The following EXOC4 variants were observed in gnomAD, a reference collection of about 807,000 sequenced individuals.
EXOC4 encodes SEC8-like 1.
In EXOC4, 71 loss-of-function variants were observed where a neutral mutation model predicts 107.2. The ratio of observed to expected loss-of-function variants is 0.66; its 90% CI spans 0.55 to 0.81. EXOC4 has a LOEUF of 0.81. Among genes scored for constraint, EXOC4 ranks in the 30% least tolerant of loss-of-function variants. The pLI, the probability that EXOC4 is intolerant of heterozygous loss-of-function variation, is 0.00. For missense variants in EXOC4, 1,108 were observed against 1,189.6 expected (o/e 0.93, Z 1.01); for synonymous variants, 456 against 441.2 (o/e 1.03, Z -0.42).
chr7:133,415,697 G>A (rs1007502114), intron 7 of EXOC4, among the ~76,000 whole-genome samples: 4 of 152,054 alleles, frequency 2.6e-5, no homozygotes, highest in Admixed American at 6.6e-5. Context: ...ATAACAAAGG[G>A]CATTAAGCAA....
At chr7:133,964,440 T>C (rs534807290) in intron 14 of EXOC4, among the ~76,000 whole-genome samples, 3 of 152,208 alleles carry the variant, frequency 2.0e-5, no homozygotes, top group Non-Finnish European at 4.4e-5. Context: ...CAACCGGTCA[T>C]CTACATTAGG....
intron 7 of EXOC4, among the ~76,000 whole-genome samples, chr7:133,418,494 T>C (rs1368550927): frequency 6.6e-6 from 1 of 152,164 alleles, no homozygotes; most frequent in African/African-American, 2.4e-5. Flanking sequence ...CTAAGAAGAA[T>C]GTCTGAAATG....
intron 17 of EXOC4, among the ~76,000 whole-genome samples, chr7:134,025,975 C>T (rs2116449363): frequency 1.3e-5 from 2 of 152,298 alleles, no homozygotes; most frequent in South Asian, 4.1e-4. Flanking sequence ...ACTTAAACTT[C>T]AGCCTCCAGT....
rs141623998 is a variant in EXOC4, at chr7:133,778,892, A to C, written c.1515-38433A>C. Among the ~76,000 whole-genome samples, 21 of 152,330 alleles carry C rather than the reference A, an allele frequency of 1.4e-4. No individual in the cohort carries two copies. In the East Asian group the frequency reaches 3.9e-3, roughly 28 times the overall value. On this transcript the variant is annotated intron_variant, in intron 10 of 17. Transcript: ENST00000253861. Reference sequence around the variant, plus strand: ...CATGGGCTGCATCAGAGATTTTTAAATAAATTGTTACAGTGTTAATTAGGA... The same window carrying C: ...CATGGGCTGCATCAGAGATTTTTAACTAAATTGTTACAGTGTTAATTAGGA...
At chr7:133,590,500 C>A (rs777624028) in intron 9 of EXOC4, among the ~76,000 whole-genome samples, 2 of 152,040 alleles carry the variant, frequency 1.3e-5, no homozygotes, top group Non-Finnish European at 2.9e-5. Context: ...CTAAAATTAC[C>A]CTAGCCTGCT....
At chr7:134,021,718 A>G (rs35813193) in intron 17 of EXOC4, among the ~76,000 whole-genome samples, 1 of 145,734 alleles carries the variant, frequency 6.9e-6, no homozygotes, top group Non-Finnish European at 1.5e-5. Flanking sequence ...ATGGAGTCAA[A>G]CCAGAAAAAA....
chr7:133,744,946 C>A (rs1050421276), intron 10 of EXOC4, among the ~76,000 whole-genome samples: 2 of 152,102 alleles, frequency 1.3e-5, no homozygotes, highest in African/African-American at 4.8e-5. Context: ...CATGGTGAAA[C>A]TAGTACATAA....
At chr7:133,299,243 C>CT (rs1407147734) in intron 3 of EXOC4, among the ~76,000 whole-genome samples, 1 of 151,794 alleles carries the variant, frequency 6.6e-6, no homozygotes, top group South Asian at 2.1e-4. Context: ...CTAGGCCTGA[C>CT]TTTTTTTTAA....
intron 9 of EXOC4, among the ~76,000 whole-genome samples, chr7:133,565,658 C>T (rs1800893641): frequency 6.6e-6 from 1 of 152,172 alleles, no homozygotes; most frequent in Admixed American, 6.5e-5. Context: ...CATACTTATA[C>T]TAAAATAATT....
At chr7:133,429,046 C>T (rs1305145584) in intron 7 of EXOC4, among the ~76,000 whole-genome samples, 1 of 152,006 alleles carries the variant, frequency 6.6e-6, no homozygotes, top group African/African-American at 2.4e-5. Flanking sequence ...AAGTATTAAG[C>T]AAGAGAGGCG....
intron 12 of EXOC4, among the ~76,000 whole-genome samples, chr7:133,896,637 CT>C (rs1241595041): frequency 6.7e-6 from 1 of 148,962 alleles, no homozygotes; most frequent in Non-Finnish European, 1.5e-5. Context: ...CAGTTGCCCC[CT>C]ATTTTATTTT....
chr7:133,710,926 G>A lies in EXOC4; in HGVS notation c.1514+80785G>A, dbSNP rs549514483. 1.7e-4 allele frequency among the ~76,000 whole-genome samples: 24 copies of A among 141,854 alleles called. No individual in the cohort carries two copies. In the East Asian group the frequency reaches 3.7e-3, roughly 22 times the overall value. 93.1% of individuals were successfully genotyped at this position (141,854 alleles called of 152,430 possible). On this transcript the variant is annotated intron_variant, in intron 10 of 17. Coordinates refer to ENST00000253861, the MANE Select transcript of EXOC4 (RefSeq NM_021807.4). The stretch of plus-strand genomic sequence containing the variant: ...TTTTAACAGCCAGAAAAAAAAAATC[G>A]CCACCAAGATATAAAACATTTTACA...
At chr7:134,011,253 T>C (rs1794755830) in intron 17 of EXOC4, among the ~76,000 whole-genome samples, 1 of 151,724 alleles carries the variant, frequency 6.6e-6, no homozygotes, top group East Asian at 1.9e-4. Flanking sequence ...GGTGGCAGCA[T>C]AACAAGAGAG....
Position 133,354,587 on chromosome 7 carries a change from G to C in EXOC4, c.764-1743G>C, listed in dbSNP as rs1054166806. Among the ~76,000 whole-genome samples the C allele has an allele frequency of 3.9e-5, 6 of 152,246 alleles. No homozygotes were observed. In the East Asian group the frequency reaches 7.7e-4, roughly 20 times the overall value. ...CTGGAATTTACTTCAGCAAGAGTAGGAGGGGCTTGAAAAATTGGAGGAGGT... is the reference window on the plus strand; with the variant it reads ...CTGGAATTTACTTCAGCAAGAGTAGCAGGGGCTTGAAAAATTGGAGGAGGT... On this transcript the variant is annotated intron_variant, in intron 5 of 17. Transcript: ENST00000253861.
chr7:133,647,041 G>A (rs568774874), intron 10 of EXOC4, among the ~76,000 whole-genome samples: 79 of 152,198 alleles, frequency 5.2e-4, no homozygotes, highest in African/African-American at 1.8e-3. Context: ...TCAAATTACC[G>A]ATGCAGTCCT....
At chr7:133,990,226 T>G (rs1030971977) in intron 14 of EXOC4, among the ~76,000 whole-genome samples, 3 of 152,068 alleles carry the variant, frequency 2.0e-5, no homozygotes, top group African/African-American at 7.2e-5. Context: ...TAGAACTTAT[T>G]TCTTCTAAGT....
chr7:134,079,021 C>A, the EXOC4 span, among the ~76,000 whole-genome samples: 1 of 152,178 alleles, frequency 6.6e-6, no homozygotes, highest in African/African-American at 2.4e-5. Flanking sequence ...GAGGACTGAT[C>A]TAGGGCAATT....
At chr7:133,349,181 A>C (rs1161302991) in intron 5 of EXOC4, among the ~76,000 whole-genome samples, 1 of 152,046 alleles carries the variant, frequency 6.6e-6, no homozygotes, top group Non-Finnish European at 1.5e-5. Flanking sequence ...CTACCATTTT[A>C]ACCATTTTGG....
intron 14 of EXOC4, among the ~76,000 whole-genome samples, chr7:133,944,686 A>T (rs1800509410): frequency 6.6e-6 from 1 of 152,164 alleles, no homozygotes; most frequent in Non-Finnish European, 1.5e-5. Context: ...TGTTTGGATG[A>T]GTTGAATACT....
Sources: gnomAD v4.1 joint callset for allele counts (sites outside exome capture counted in the v4.1 genomes callset) on GRCh38, gnomAD v4.1.1 for gene constraint, MANE v1.5 for transcripts, NCBI Gene and HGNC (gene_info 2026-07-23, HGNC 2026-07-21) for gene names.